The following RUFY3 variants were observed in gnomAD, a reference collection of about 807,000 sequenced individuals.
The protein encoded by RUFY3 is protein RUFY3.
A neutral mutation model predicts 84.0 loss-of-function variants in RUFY3; 34 were observed. That is an observed-to-expected ratio of 0.40 (90% CI 0.31 to 0.54). The LOEUF (loss-of-function observed/expected upper bound fraction) is 0.54. Ranked by LOEUF, RUFY3 falls within the 20% of genes least tolerant of loss-of-function variation. The pLI is 0.39. For missense variants in RUFY3, 507 were observed against 736.8 expected, an observed-to-expected ratio of 0.69 and a Z score of 3.61; for synonymous variants, 242 against 252.9, an observed-to-expected ratio of 0.96 and a Z score of 0.41.
chr4:70,715,910 A>C (rs1211675910), intron 1 of RUFY3, among the ~76,000 whole-genome samples: 1 of 152,100 alleles, frequency 6.6e-6, no homozygotes, highest in African/African-American at 2.4e-5. Flanking sequence ...TCAGGAGATC[A>C]AGACCATCCT....
At chr4:70,735,729 G>A (rs1297489838) in intron 1 of RUFY3, among the ~76,000 whole-genome samples, 1 of 151,972 alleles carries the variant, frequency 6.6e-6, no homozygotes, top group Non-Finnish European at 1.5e-5. Context: ...GCTCATGTCT[G>A]TAATCCCAGC....
At chr4:70,796,167 C>G (rs1004849839) in intron 14 of RUFY3, among the ~76,000 whole-genome samples, 1 of 152,072 alleles carries the variant, frequency 6.6e-6, no homozygotes, top group African/African-American at 2.4e-5. Flanking sequence ...CCACTGCACT[C>G]CAGCCTGGGT....
chr4:70,748,303 T>G (rs1340730732), intron 1 of RUFY3, among the ~76,000 whole-genome samples: 1 of 152,188 alleles, frequency 6.6e-6, no homozygotes, highest in Non-Finnish European at 1.5e-5. Context: ...CACTCTTATT[T>G]TCTCCACCTG....
intron 12 of RUFY3, chr4:70,789,972 C>G (rs771333581): frequency 2.3e-4 from 194 of 854,994 alleles, no homozygotes; most frequent in Non-Finnish European, 2.7e-4. Flanking sequence ...TCTTTGAATA[C>G]TTGGATGCTA....
At chr4:70,791,164 T>A in intron 12 of RUFY3, 1 of 1,388,608 alleles carries the variant, frequency 7.2e-7, no homozygotes, top group Non-Finnish European at 1.0e-6. Context: ...TATTTTTGTG[T>A]TTCCTGTTTA....
intron 14 of RUFY3, among the ~76,000 whole-genome samples, chr4:70,798,819 C>G (rs536233730): frequency 6.6e-6 from 1 of 150,626 alleles, no homozygotes; most frequent in Non-Finnish European, 1.5e-5. Flanking sequence ...AACAAACAAA[C>G]AAAATTTGCC....
rs1006981219 is a variant in RUFY3, at chr4:70,723,183, A to G, written c.178+432A>G. ...ATGAATACAGTAGAAACACCAGGGT[A>G]TTTGGTAATGGTATCCTCACCATTA... On this transcript the variant is annotated intron_variant, in intron 1 of 17. Coordinates refer to ENST00000381006, the MANE Select transcript of RUFY3 (RefSeq NM_001037442.4). Among the ~76,000 whole-genome samples, 21 of 152,178 alleles carry G rather than the reference A, an allele frequency of 1.4e-4. 1 individual carries two copies. The highest frequency in any genetic ancestry group is 1.4e-3 in the Admixed American group (21 of 15,270).
intron 1 of RUFY3, among the ~76,000 whole-genome samples, chr4:70,713,841 A>T (rs533116969): frequency 1.6e-4 from 24 of 152,170 alleles, no homozygotes; most frequent in Non-Finnish European, 2.2e-4. Context: ...AATCTGAGAG[A>T]TACCACTGTA....
intron 1 of RUFY3, among the ~76,000 whole-genome samples, chr4:70,725,360 T>C (rs1338620944): frequency 1.3e-5 from 2 of 152,048 alleles, no homozygotes; most frequent in African/African-American, 4.8e-5. Context: ...GACAGAGTTT[T>C]GTTCTTATTG....
In RUFY3 at chr4:70,722,264, A is replaced by C; in HGVS notation, c.-310A>C. ...AAGCCTATAGCTCAGCTGAAAAAAA[A>C]GGTGGGGGGCAGGGAAGGGAAGATA... On this transcript the variant is annotated 5_prime_UTR_variant, in exon 1 of 18. Coordinates refer to ENST00000381006, the MANE Select transcript of RUFY3 (RefSeq NM_001037442.4). The C allele has an allele frequency of 8.1e-7, 1 of 1,232,482 alleles. No individual in the cohort carries two copies. The highest frequency in any genetic ancestry group is 1.0e-6 in the Non-Finnish European group (1 of 988,870). The allele number at this position is 1,232,482 out of a possible 1,614,324, so 76.3% of individuals were successfully genotyped here. A position where few individuals can be genotyped will look rare whatever the true frequency, so the allele number is the denominator to read the frequency against.
intron 1 of RUFY3, among the ~76,000 whole-genome samples, chr4:70,759,167 C>G (rs1724565970): frequency 6.6e-6 from 1 of 152,216 alleles, no homozygotes; most frequent in Non-Finnish European, 1.5e-5. Flanking sequence ...CCTCCATACT[C>G]TTTTCATTTT....
Position 70,722,046 on chromosome 4 carries a change from T to A in RUFY3, c.-528T>A. On this transcript the variant is annotated 5_prime_UTR_variant, in exon 1 of 18. Transcript: ENST00000381006. ...TGAGAACTCAGCATCCCAGCTCATCTGAGCAGATCCTGGAAGTGATTTCTG... is the reference window on the plus strand; with the variant it reads ...TGAGAACTCAGCATCCCAGCTCATCAGAGCAGATCCTGGAAGTGATTTCTG... 2.4e-6 allele frequency: 3 copies of A among 1,232,222 alleles called. No individual in the cohort carries two copies. Among genetic ancestry groups the A allele is most frequent in the Non-Finnish European group, 3.0e-6 (3 of 987,986 alleles). 76.3% of individuals were successfully genotyped at this position (1,232,222 alleles called of 1,614,324 possible). A position where few individuals can be genotyped will look rare whatever the true frequency, so the allele number is the denominator to read the frequency against.
At chr4:70,766,478 C>T (rs1725938946) in intron 4 of RUFY3, among the ~76,000 whole-genome samples, 2 of 152,294 alleles carry the variant, frequency 1.3e-5, no homozygotes, top group South Asian at 4.1e-4. Context: ...CTCCTGACCT[C>T]AAGTGATCCA....
At chr4:70,798,335 C>T (rs928804606) in intron 14 of RUFY3, among the ~76,000 whole-genome samples, 3 of 151,982 alleles carry the variant, frequency 2.0e-5, no homozygotes, top group African/African-American at 7.3e-5. Context: ...TGCCACTGCA[C>T]TCCAGCCTGG....
intron 1 of RUFY3, among the ~76,000 whole-genome samples, chr4:70,723,327 A>C (rs950685917): frequency 1.2e-4 from 18 of 152,226 alleles, no homozygotes; most frequent in African/African-American, 4.3e-4. Context: ...TTATTTATTG[A>C]ATATGGACTC....
intron 7 of RUFY3, among the ~76,000 whole-genome samples, chr4:70,775,947 A>AAAAAAAAAAAACG (rs1553917246): frequency 7.7e-6 from 1 of 129,232 alleles, no homozygotes; most frequent in South Asian, 2.2e-4. Context: ...TCTTAAACAA[A>AAAAAAAAAAAACG]AAAAAAAAAA....
At chr4:70,806,446 C>G (rs1257649365) in intron 17 of RUFY3, 70 bp from the exon 18 acceptor site, 26 of 1,571,132 alleles carry the variant, frequency 1.7e-5, no homozygotes, top group Non-Finnish European at 2.3e-5. Flanking sequence ...CCATATTTGG[C>G]TTTTTATATC....
At chr4:70,705,755 C>T (rs1740252587) in intron 1 of RUFY3, among the ~76,000 whole-genome samples, 1 of 152,152 alleles carries the variant, frequency 6.6e-6, no homozygotes, top group African/African-American at 2.4e-5. Flanking sequence ...TTTCGGGCTC[C>T]CGGCGCCGCG....
At chr4:70,802,399 A>G (rs1025119880) in intron 15 of RUFY3, among the ~76,000 whole-genome samples, 2 of 152,226 alleles carry the variant, frequency 1.3e-5, no homozygotes, top group Admixed American at 6.5e-5. Flanking sequence ...TTTAGGCTCT[A>G]GTCCATGCTG....
Sources: allele counts gnomAD v4.1 joint callset (sites outside exome capture counted in the v4.1 genomes callset), GRCh38; gene constraint gnomAD v4.1.1; transcripts MANE v1.5; gene names NCBI Gene and HGNC (gene_info 2026-07-23, HGNC 2026-07-21).